BCL7C: variants seen among roughly 807,000 people sequenced by gnomAD.
BCL7C encodes the protein B-cell CLL/lymphoma 7 protein family member C.
BCL7C carries 8 observed loss-of-function variants against 26.2 expected under a neutral mutation model. That is an observed-to-expected ratio of 0.30 (90% CI 0.18 to 0.55). BCL7C has a LOEUF of 0.55. Among genes scored for constraint, BCL7C ranks in the 20% least tolerant of loss-of-function variants. The probability of loss-of-function intolerance (pLI) is 0.93; values close to 1 mark genes in which losing one functional copy is unlikely to be tolerated. For missense variants in BCL7C, 262 were observed against 298.5 expected (o/e 0.88, Z 0.90); for synonymous variants, 90 against 116.5 (o/e 0.77, Z 1.47).
At chr16:30,872,029 AAATT>A (rs772049619) in intron 5 of BCL7C, among the ~76,000 whole-genome samples, 7 of 152,170 alleles carry the variant, frequency 4.6e-5, no homozygotes, top group Non-Finnish European at 1.0e-4. Context: ...ATAATTTCAA[AAATT>A]AAGGTATAAA....
chr16:30,871,359 C>T (rs1421964652), intron 5 of BCL7C, among the ~76,000 whole-genome samples: 1 of 152,108 alleles, frequency 6.6e-6, no homozygotes, highest in African/African-American at 2.4e-5. Context: ...CAAGTGACTT[C>T]ACTTCTCTGT....
At chr16:30,888,736 C>G (rs1203666820) in intron 5 of BCL7C, 124 bp downstream of exon 5, 6 of 822,466 alleles carry the variant, frequency 7.3e-6, no homozygotes, top group Middle Eastern at 3.4e-4. Context: ...AGCCCCTAAG[C>G]CTTCAGCTCT....
intron 5 of BCL7C, among the ~76,000 whole-genome samples, chr16:30,864,823 G>A (rs1023651999): frequency 4.6e-5 from 7 of 150,616 alleles, no homozygotes; most frequent in Admixed American, 1.3e-4. Flanking sequence ...TAACTGATGC[G>A]ATATATTCTC....
intron 5 of BCL7C, among the ~76,000 whole-genome samples, chr16:30,862,487 C>T (rs868848015): frequency 6.6e-6 from 1 of 152,124 alleles, no homozygotes; most frequent in Non-Finnish European, 1.5e-5. Context: ...TGTCCATCTG[C>T]TTCTCACCTT....
In BCL7C at chr16:30,893,015, C is replaced by A; in HGVS notation, c.172-67G>T. Reference sequence around the variant, plus strand: ...CACCATACACCTAAGGAAACTGAGGCACTGAGAAGCAAAAGGGCTCAAACT... The same window carrying A: ...CACCATACACCTAAGGAAACTGAGGAACTGAGAAGCAAAAGGGCTCAAACT... On this transcript the variant is annotated intron_variant, in intron 2 of 5. Coordinates refer to ENST00000215115, the MANE Select transcript of BCL7C (RefSeq NM_004765.4). The surrounding 1 kb of genome is among the most constrained non-coding windows in gnomAD (Gnocchi z 5.2). 1 of 1,470,326 alleles carries A rather than the reference C, an allele frequency of 6.8e-7. No individual in the cohort carries two copies. 91.1% of individuals were successfully genotyped at this position (1,470,326 alleles called of 1,614,324 possible). A position where few individuals can be genotyped will look rare whatever the true frequency, so the allele number is the denominator to read the frequency against.
chr16:30,887,859 G>T lies in BCL7C; in HGVS notation c.*6C>A. ...CCTGGGGCAACAGGACAGGCAGGCCGGCTTCTCAGGGGTCAGGGGCATTTG... is the reference window on the plus strand; with the variant it reads ...CCTGGGGCAACAGGACAGGCAGGCCTGCTTCTCAGGGGTCAGGGGCATTTG... On this transcript the variant is annotated 3_prime_UTR_variant, in exon 6 of 6. Coordinates refer to ENST00000215115, the MANE Select transcript of BCL7C (RefSeq NM_004765.4). 1 of 1,567,314 alleles carries T rather than the reference G, an allele frequency of 6.4e-7. No individual in the cohort carries two copies. Among genetic ancestry groups the T allele is most frequent in the South Asian group, 1.2e-5 (1 of 84,074 alleles).
chr16:30,882,428 C>G (rs964831099), intron 5 of BCL7C, among the ~76,000 whole-genome samples: 2 of 152,196 alleles, frequency 1.3e-5, no homozygotes, highest in Non-Finnish European at 2.9e-5. Context: ...GCCACCACTT[C>G]ACGACATAGC....
chr16:30,877,844 G>A (rs1418235458), intron 5 of BCL7C, among the ~76,000 whole-genome samples: 1 of 152,122 alleles, frequency 6.6e-6, no homozygotes, highest in Non-Finnish European at 1.5e-5. Flanking sequence ...TCCAAGCTTT[G>A]CAGCATGTTA....
intron 4 of BCL7C, among the ~76,000 whole-genome samples, chr16:30,889,208 T>C (rs2055185439): frequency 1.3e-5 from 2 of 152,206 alleles, no homozygotes; most frequent in Non-Finnish European, 2.9e-5. Context: ...GATTCTGGGC[T>C]TGGACTGCCT....
At chr16:30,880,821 C>G (rs2055031303) in intron 5 of BCL7C, among the ~76,000 whole-genome samples, 1 of 151,998 alleles carries the variant, frequency 6.6e-6, no homozygotes, top group African/African-American at 2.4e-5. Flanking sequence ...ACCTCAGCCT[C>G]CCAAGTAGCT....
intron 5 of BCL7C, among the ~76,000 whole-genome samples, chr16:30,844,747 TG>T (rs1473199529): frequency 1.3e-5 from 2 of 152,260 alleles, no homozygotes; most frequent in Non-Finnish European, 2.9e-5. Flanking sequence ...GTGGGGATTC[TG>T]GCACTATGTC....
At chr16:30,851,041 CAATAAGA>C (rs1421960108) in intron 5 of BCL7C, among the ~76,000 whole-genome samples, 3 of 151,920 alleles carry the variant, frequency 2.0e-5, no homozygotes, top group Non-Finnish European at 4.4e-5. Context: ...ACATTTTTTC[CAATAAGA>C]AATAAGTTTG....
chr16:30,869,356 C>T (rs1047044047), intron 5 of BCL7C, among the ~76,000 whole-genome samples: 6 of 151,866 alleles, frequency 4.0e-5, no homozygotes, highest in Non-Finnish European at 4.4e-5. Context: ...CTACAGGCGC[C>T]TGCCACTGTG....
Position 30,834,821 on chromosome 16 carries a change from T to C in BCL7C, c.*127A>G. On this transcript the variant is annotated 3_prime_UTR_variant, in exon 6 of 6. Coordinates refer to the BCL7C transcript ENST00000380317. The surrounding 1 kb of genome is among the most constrained non-coding windows in gnomAD (Gnocchi z 4.3). ...TAGGTTCGGGCAGGTGTGGGGCCGC[T>C]CGCCCTCCGATGTTACCGCGGTGGG... 1 of 981,380 alleles carries C rather than the reference T, an allele frequency of 1.0e-6. No individual in the cohort carries two copies. Among genetic ancestry groups the C allele is most frequent in the Non-Finnish European group, 1.5e-6 (1 of 686,394 alleles). The allele number at this position is 981,380 out of a possible 1,614,324, so 60.8% of individuals were successfully genotyped here. A position where few individuals can be genotyped will look rare whatever the true frequency, so the allele number is the denominator to read the frequency against.
intron 5 of BCL7C, among the ~76,000 whole-genome samples, chr16:30,880,572 G>A (rs2055027970): frequency 6.6e-6 from 1 of 151,974 alleles, no homozygotes; most frequent in African/African-American, 2.4e-5. Context: ...TCAGAACAGC[G>A]GTTGACTCTG....
intron 5 of BCL7C, among the ~76,000 whole-genome samples, chr16:30,881,311 G>A (rs1354901407): frequency 1.3e-5 from 2 of 151,828 alleles, no homozygotes; most frequent in Admixed American, 6.6e-5. Flanking sequence ...CAGGAAAATC[G>A]CTTGAACCCA....
chr16:30,845,069 G>A (rs1015600603), intron 5 of BCL7C, among the ~76,000 whole-genome samples: 1 of 152,132 alleles, frequency 6.6e-6, no homozygotes, highest in Non-Finnish European at 1.5e-5. Flanking sequence ...ACTTTACCAC[G>A]TTCCCTCCCC....
In BCL7C at chr16:30,893,775, G is replaced by T. The variant is rs1596631533; in HGVS notation, c.92+78C>A. On this transcript the variant is annotated intron_variant, in intron 1 of 5. Transcript: ENST00000215115. This position sits in a 1 kb window ranked among gnomAD's most constrained non-coding sequence, Gnocchi z 5.2. ...ATACACCGAACACCCGGGGCCCAGA[G>T]CTGGCGAGGGCAGCGTAGACGCCTT... The T allele has an allele frequency of 7.6e-7, 1 of 1,323,476 alleles. No individual in the cohort carries two copies. The highest frequency in any genetic ancestry group is 1.1e-6 in the Non-Finnish European group (1 of 936,358). The allele number at this position is 1,323,476 out of a possible 1,614,324, so 82.0% of individuals were successfully genotyped here.
chr16:30,873,284 C>A (rs577190540), intron 5 of BCL7C, among the ~76,000 whole-genome samples: 8 of 152,238 alleles, frequency 5.3e-5, no homozygotes, highest in South Asian at 2.1e-4. Flanking sequence ...AAAAAGGCCA[C>A]ATAAAGCCCT....
Sources: gnomAD v4.1 joint callset for allele counts (sites outside exome capture counted in the v4.1 genomes callset) on GRCh38, gnomAD v4.1.1 for gene constraint, Gnocchi (gnomAD v3.1) non-coding constraint, MANE v1.5 for transcripts, NCBI Gene and HGNC (gene_info 2026-07-23, HGNC 2026-07-21) for gene names.